The following SPIRE1 variants were observed in gnomAD, a reference collection of about 807,000 sequenced individuals.
SPIRE1 encodes spire type actin nucleation factor 1.
SPIRE1 carries 40 observed loss-of-function variants against 94.1 expected under a neutral mutation model. The observed-to-expected ratio is 0.43, with a 90% CI of 0.33 to 0.55. The LOEUF (loss-of-function observed/expected upper bound fraction) is 0.55, where lower values mean the gene tolerates loss of function less well. Among genes scored for constraint, SPIRE1 ranks in the 20% least tolerant of loss-of-function variants. SPIRE1 has a pLI of 0.06. For synonymous variants in SPIRE1, 376 were observed against 371.7 expected, an observed-to-expected ratio of 1.01 and a Z score of -0.13; for missense variants, 838 against 975.2, an observed-to-expected ratio of 0.86 and a Z score of 1.87.
rs71174108 is a variant in SPIRE1 at position 12,615,542 on chromosome 18, C to CAAAAAAAAAAAAAAAAAAAAA, written c.372+19519_372+19520insTTTTTTTTTTTTTTTTTTTTT. ...GCGACAGAGAGAGACTCTATCTCCA[C>CAAAAAAAAAAAAAAAAAAAAA]AAAAAAAAAAAAAATCCCAAATTTT... On this transcript the variant is annotated intron_variant, in intron 2 of 16. Transcript: ENST00000409402. 3.5e-3 allele frequency among the ~76,000 whole-genome samples: 264 copies of CAAAAAAAAAAAAAAAAAAAAA among 75,610 alleles called. 13 individuals carry two copies. The highest frequency in any genetic ancestry group is 0.011 in the African/African-American group (240 of 21,966). The allele number at this position is 75,610 out of a possible 152,430, so 49.6% of individuals were successfully genotyped here.
At chr18:12,555,054 AC>A (rs1459682223) in intron 2 of SPIRE1, among the ~76,000 whole-genome samples, 1 of 151,210 alleles carries the variant, frequency 6.6e-6, no homozygotes, top group Non-Finnish European at 1.5e-5. Flanking sequence ...TCTTTTCCTC[AC>A]CCCTCCCTAA....
chr18:12,548,239 T>A (rs890673748), intron 2 of SPIRE1, among the ~76,000 whole-genome samples: 2 of 152,232 alleles, frequency 1.3e-5, no homozygotes, highest in Admixed American at 6.5e-5. Flanking sequence ...ATAAATAAAA[T>A]CTTTCATTTT....
At chr18:12,626,087 C>T (rs916235966) in intron 2 of SPIRE1, among the ~76,000 whole-genome samples, 3 of 145,472 alleles carry the variant, frequency 2.1e-5, no homozygotes, top group East Asian at 2.0e-4. Context: ...GTCACCTAAA[C>T]GAGCCAGAAG....
intron 1 of SPIRE1, among the ~76,000 whole-genome samples, chr18:12,635,324 A>G (rs2144819744): frequency 6.6e-6 from 1 of 152,306 alleles, no homozygotes; most frequent in East Asian, 1.9e-4. Context: ...AAAAATGCTT[A>G]ACTGTAATAA....
At chr18:12,516,819 A>T (rs190348614) in intron 4 of SPIRE1, among the ~76,000 whole-genome samples, 1 of 152,266 alleles carries the variant, frequency 6.6e-6, no homozygotes, top group African/African-American at 2.4e-5. Context: ...CTATTCTCCG[A>T]CACATCCCTG....
intron 4 of SPIRE1, among the ~76,000 whole-genome samples, chr18:12,517,608 T>C (rs1477837334): frequency 4.6e-5 from 7 of 152,194 alleles, no homozygotes; most frequent in East Asian, 3.8e-4. Flanking sequence ...AAAGTTCTAA[T>C]TGGGAGAACC....
upstream of SPIRE1, among the ~76,000 whole-genome samples, chr18:12,659,285 C>G (rs1158529692): frequency 6.6e-6 from 1 of 152,010 alleles, no homozygotes; most frequent in Non-Finnish European, 1.5e-5. Flanking sequence ...ATTTAAATAA[C>G]AACAGTCTAT....
intron 12 of SPIRE1, 116 bp downstream of exon 12, chr18:12,463,235 A>G (rs970508358): frequency 1.8e-6 from 2 of 1,092,732 alleles, no homozygotes; most frequent in Non-Finnish European, 2.6e-6. Context: ...TAAGTTATTC[A>G]AAATTCATTC....
At chr18:12,529,442 G>C (rs1303320794) in intron 4 of SPIRE1, among the ~76,000 whole-genome samples, 1 of 151,862 alleles carries the variant, frequency 6.6e-6, no homozygotes, top group Non-Finnish European at 1.5e-5. Flanking sequence ...TGTCCTTTCA[G>C]CTGAGGTATG....
intron 2 of SPIRE1, 69 bp downstream of exon 2, chr18:12,634,993 A>T (rs529231181): frequency 9.8e-5 from 79 of 807,054 alleles, no homozygotes; most frequent in Non-Finnish European, 1.5e-4. Flanking sequence ...GAGATAGTTC[A>T]GTACTCAAGT....
rs530309556 is a variant in SPIRE1, at chr18:12,449,648, C to T, written c.2261G>A (p.Ser754Asn). Reference protein sequence around the residue: ...SEYCPSERTISEI With the variant: ...SEYCPSERTINEI ...TGAAAGGCACGAGGCTCAGATCTCA[C>T]TGATCGTCCTCTCTGAAGGGCAGTA... Residue 754 changes from serine to asparagine, a missense_variant, in exon 17 of 17, where the codon AGT becomes AAT. By Grantham distance (46) the Ser-to-Asn change is conservative (BLOSUM62 1). This residue lies in a region of SPIRE1 where 645 missense variants were observed against 804.7 expected (regional missense o/e 0.80). Coordinates refer to ENST00000409402, the MANE Select transcript of SPIRE1 (RefSeq NM_001128626.2). 136 of 1,613,950 alleles carry T rather than the reference C, an allele frequency of 8.4e-5. No individual in the cohort carries two copies. Among genetic ancestry groups the T allele is most frequent in the Non-Finnish European group, 1.1e-4 (133 of 1,179,982 alleles).
intron 1 of SPIRE1, 85 bp from the exon 2 acceptor site, chr18:12,635,181 T>C: frequency 5.5e-6 from 4 of 728,048 alleles, no homozygotes; most frequent in Non-Finnish European, 7.0e-6. Context: ...TCTCTGGCTA[T>C]GGCTTTATTA....
chr18:12,651,282 T>C (rs1317140549), intron 1 of SPIRE1, among the ~76,000 whole-genome samples: 1 of 152,154 alleles, frequency 6.6e-6, no homozygotes, highest in Non-Finnish European at 1.5e-5. Flanking sequence ...CCCCACTACC[T>C]ACTCTGGAAA....
chr18:12,606,053 G>A (rs1488952060), intron 2 of SPIRE1, among the ~76,000 whole-genome samples: 1 of 152,112 alleles, frequency 6.6e-6, no homozygotes, highest in Non-Finnish European at 1.5e-5. Context: ...CCTCTATTGA[G>A]AGGCCTTCAG....
At chr18:12,636,517 G>A (rs1598567467) in intron 1 of SPIRE1, among the ~76,000 whole-genome samples, 4 of 149,160 alleles carry the variant, frequency 2.7e-5, no homozygotes, top group Non-Finnish European at 3.0e-5. Context: ...TGAGTTGGTT[G>A]AAAAAAAAAC....
intron 10 of SPIRE1, among the ~76,000 whole-genome samples, chr18:12,467,733 C>T (rs1288136567): frequency 7.2e-5 from 11 of 152,174 alleles, no homozygotes; most frequent in Middle Eastern, 3.2e-3. Context: ...GGGCGGATCA[C>T]GAGGTCTGGA....
At chr18:12,485,024 G>T (rs1452803575) in intron 9 of SPIRE1, among the ~76,000 whole-genome samples, 1 of 151,648 alleles carries the variant, frequency 6.6e-6, no homozygotes, top group Non-Finnish European at 1.5e-5. Flanking sequence ...TAACAGAAGG[G>T]TCTAAACTTG....
chr18:12,489,254 AC>A (rs751259937), intron 8 of SPIRE1, among the ~76,000 whole-genome samples: 44 of 152,224 alleles, frequency 2.9e-4, no homozygotes, highest in Non-Finnish European at 4.3e-4. Flanking sequence ...AAGAAAAAAA[AC>A]ATCTTCCACT....
chr18:12,589,488 G>T (rs143836841), intron 2 of SPIRE1, among the ~76,000 whole-genome samples: 87 of 152,262 alleles, frequency 5.7e-4, no homozygotes, highest in African/African-American at 2.1e-3. Context: ...AAACACACAA[G>T]TATCATCAAC....
Sources: allele counts gnomAD v4.1 joint callset (sites outside exome capture counted in the v4.1 genomes callset), GRCh38; gene constraint gnomAD v4.1.1; regional missense constraint gnomAD v4.1.1; transcripts MANE v1.5; gene names NCBI Gene and HGNC (gene_info 2026-07-23, HGNC 2026-07-21).